DCAF6: variants seen among roughly 807,000 people sequenced by gnomAD.
DCAF6 encodes the protein DDB1 and CUL4 associated factor 6.
DCAF6 carries 54 observed loss-of-function variants against 125.1 expected under a neutral mutation model. The observed-to-expected ratio is 0.43, with a 90% CI of 0.35 to 0.54. The LOEUF (loss-of-function observed/expected upper bound fraction) is 0.54, where lower values mean the gene tolerates loss of function less well. Among genes scored for constraint, DCAF6 ranks in the 20% least tolerant of loss-of-function variants. DCAF6 has a pLI of 0.01. For missense variants in DCAF6, 934 were observed against 1,161.7 expected (o/e 0.80, Z 2.85); for synonymous variants, 371 against 390.4 (o/e 0.95, Z 0.58).
intron 1 of DCAF6, among the ~76,000 whole-genome samples, chr1:167,938,047 G>T (rs1254673928): frequency 6.6e-6 from 1 of 152,152 alleles, no homozygotes; most frequent in Non-Finnish European, 1.5e-5. Flanking sequence ...AAGTTAGCAT[G>T]CAATTTTTTA....
intron 1 of DCAF6, among the ~76,000 whole-genome samples, chr1:167,940,718 A>G (rs561293463): frequency 1.1e-4 from 17 of 152,266 alleles, no homozygotes; most frequent in African/African-American, 4.1e-4. Context: ...ATTTCAATAC[A>G]TTGCTTGTTT....
intron 1 of DCAF6, among the ~76,000 whole-genome samples, chr1:167,945,890 T>C (rs1672994564): frequency 1.3e-5 from 2 of 151,734 alleles, no homozygotes; most frequent in Admixed American, 6.6e-5. Context: ...GTAGAAACAC[T>C]ACTAATTTTT....
chr1:167,875,676 C>T, the DCAF6 span, among the ~76,000 whole-genome samples: 2 of 152,306 alleles, frequency 1.3e-5, no homozygotes, highest in East Asian at 1.9e-4. Context: ...CTTGGCTGGG[C>T]GCAGTGACTC....
At chr1:168,039,776 A>G (rs1442832726) in intron 13 of DCAF6, among the ~76,000 whole-genome samples, 2 of 149,838 alleles carry the variant, frequency 1.3e-5, no homozygotes, top group East Asian at 3.9e-4. Context: ...TTGTCTTAAT[A>G]TGTAATGAAT....
chr1:168,072,298 A>T (rs994025818), intron 21 of DCAF6, among the ~76,000 whole-genome samples: 1,787 of 119,786 alleles, frequency 0.015, 49 homozygotes, highest in African/African-American at 0.081. Flanking sequence ...TCAGTCTAAA[A>T]AAAAAAAAAA....
intron 12 of DCAF6, among the ~76,000 whole-genome samples, chr1:168,029,677 G>C (rs1465990241): frequency 1.3e-5 from 2 of 152,104 alleles, no homozygotes; most frequent in African/African-American, 2.4e-5. Flanking sequence ...TGAGGCAAAG[G>C]GTGGTTAAGA....
intron 11 of DCAF6, among the ~76,000 whole-genome samples, 168 bp from the exon 12 acceptor site, chr1:168,022,818 CAT>C (rs1299931268): frequency 2.0e-4 from 30 of 152,206 alleles, no homozygotes; most frequent in African/African-American, 7.2e-4. Context: ...CCTGGAATAA[CAT>C]ATCTTAAGCA....
chr1:167,913,306 T>G, the DCAF6 span, among the ~76,000 whole-genome samples: 1 of 152,244 alleles, frequency 6.6e-6, no homozygotes, highest in Non-Finnish European at 1.5e-5. Context: ...AGGGTTCGAT[T>G]ATATTCATCA....
intron 13 of DCAF6, chr1:168,042,755 C>A: frequency 3.9e-6 from 1 of 253,712 alleles, no homozygotes; most frequent in Non-Finnish European, 7.5e-6. Flanking sequence ...AATAGAGAGA[C>A]ATGTAGAAAT....
Position 168,044,971 on chromosome 1 carries a change from C to T in DCAF6, c.2002C>T (p.Arg668Cys), listed in dbSNP as rs774557257. ...AGAAAGAAATGACCTCAATCTTGAT[C>T]GCTCTTGTGGGGTTCCAGAAGAATC... ...SGERNDLNLD[R>C]SCGVPEESAS... Residue 668 changes from arginine (R) to cysteine (C), a missense_variant, in exon 16 of 22, where the codon CGC (arginine) becomes TGC (cysteine). Physicochemically the swap from Arg to Cys is radical, Grantham distance 180 (BLOSUM62 -3). Around this residue, in one of 5 missense-constraint regions of DCAF6, gnomAD observed 559 missense variants for 635.5 expected, o/e 0.88. Transcript: ENST00000367840. 8.7e-6 allele frequency: 14 copies of T among 1,614,078 alleles called. No individual in the cohort carries two copies. The highest frequency in any genetic ancestry group is 4.5e-5 in the East Asian group (2 of 44,882).
chr1:168,063,796 A>G (rs1558049353), intron 18 of DCAF6, 37 bp downstream of exon 18: 2 of 1,588,016 alleles, frequency 1.3e-6, no homozygotes, highest in Non-Finnish European at 8.5e-7. Flanking sequence ...GTGAAATTGC[A>G]GTTTCATGCT....
At chr1:168,056,366 G>T in intron 17 of DCAF6, 1 of 1,544,526 alleles carries the variant, frequency 6.5e-7, no homozygotes, top group Non-Finnish European at 8.8e-7. Context: ...CGGGTGACGG[G>T]ACCGCGCGCA....
the DCAF6 span, chr1:167,901,627 G>A: frequency 1.2e-6 from 2 of 1,607,534 alleles, no homozygotes; most frequent in South Asian, 2.2e-5. Context: ...CCCTATCCCA[G>A]CTGCCGTAGG....
chr1:168,074,724 T>C (rs1198674892), intron 21 of DCAF6, among the ~76,000 whole-genome samples: 1 of 152,156 alleles, frequency 6.6e-6, no homozygotes, highest in Non-Finnish European at 1.5e-5. Flanking sequence ...ACCAAGGGTA[T>C]AATAGTTGTA....
intron 14 of DCAF6, among the ~76,000 whole-genome samples, chr1:168,043,669 G>A (rs1409431057): frequency 6.6e-6 from 1 of 152,114 alleles, no homozygotes; most frequent in Admixed American, 6.6e-5. Context: ...ATAAATGCTT[G>A]ATTAATGAAG....
intron 7 of DCAF6, among the ~76,000 whole-genome samples, chr1:167,999,100 G>A (rs1438578697): frequency 2.6e-5 from 4 of 152,080 alleles, no homozygotes; most frequent in Non-Finnish European, 4.4e-5. Context: ...TGATCTATGG[G>A]ATACAATGAA....
chr1:167,956,427 T>C (rs1215835838), intron 2 of DCAF6, among the ~76,000 whole-genome samples: 1 of 152,208 alleles, frequency 6.6e-6, no homozygotes, highest in African/African-American at 2.4e-5. Context: ...TTCTCATTAC[T>C]GATATTGGTA....
At chr1:167,882,360 C>T in the DCAF6 span, among the ~76,000 whole-genome samples, 1 of 151,868 alleles carries the variant, frequency 6.6e-6, no homozygotes, top group African/African-American at 2.4e-5. Context: ...TGGCGCATGC[C>T]TGTAATCCCA....
chr1:168,030,400 T>C (rs777085169), intron 12 of DCAF6, among the ~76,000 whole-genome samples: 3 of 152,192 alleles, frequency 2.0e-5, no homozygotes, highest in Non-Finnish European at 2.9e-5. Flanking sequence ...AAAGTGACTT[T>C]TTGGACATTT....
Sources: allele counts gnomAD v4.1 joint callset (sites outside exome capture counted in the v4.1 genomes callset), GRCh38; gene constraint gnomAD v4.1.1; regional missense constraint gnomAD v4.1.1; transcripts MANE v1.5; gene names NCBI Gene and HGNC (gene_info 2026-07-23, HGNC 2026-07-21).